SERPINE2: variants seen among roughly 807,000 people sequenced by gnomAD.
The protein encoded by SERPINE2 is glia-derived nexin.
A neutral mutation model predicts 36.3 loss-of-function variants in SERPINE2; 14 were observed. The observed-to-expected ratio is 0.39, with a 90% confidence interval of 0.25 to 0.60. The LOEUF (loss-of-function observed/expected upper bound fraction) is 0.60, where lower values mean the gene tolerates loss of function less well. SERPINE2 is among the 20% of genes least tolerant of loss of function. The pLI, the probability that SERPINE2 is intolerant of heterozygous loss-of-function variation, is 0.57. For synonymous variants in SERPINE2, 192 were observed against 191.8 expected, an observed-to-expected ratio of 1.00 and a Z score of -0.01; for missense variants, 418 against 499.6, an observed-to-expected ratio of 0.84 and a Z score of 1.56.
chr2:224,020,730 C>A (rs1415833486), intron 1 of SERPINE2, among the ~76,000 whole-genome samples: 1 of 152,154 alleles, frequency 6.6e-6, no homozygotes, highest in Non-Finnish European at 1.5e-5. Context: ...TACAGCCACA[C>A]CGAACATATT....
chr2:223,991,237 T>C (rs1690654155), intron 4 of SERPINE2, among the ~76,000 whole-genome samples: 1 of 152,212 alleles, frequency 6.6e-6, no homozygotes, highest in Admixed American at 6.5e-5. Context: ...TCTATTTATT[T>C]GTCATTGTGT....
intron 3 of SERPINE2, among the ~76,000 whole-genome samples, chr2:223,993,530 A>ATGTGTGTGTGTGTGTGTG (rs36049464): frequency 1.3e-4 from 19 of 149,902 alleles, no homozygotes; most frequent in Admixed American, 4.7e-4. Context: ...GCTCAAATAT[A>ATGTGTGTGTGTGTGTGTG]TGTGTGTGTG....
chr2:224,005,349 C>A (rs1691384778), intron 1 of SERPINE2, among the ~76,000 whole-genome samples: 6 of 151,834 alleles, frequency 4.0e-5, no homozygotes, highest in African/African-American at 4.8e-5. Context: ...TAAAAGTGCA[C>A]TGGGACAGTG....
intron 1 of SERPINE2, among the ~76,000 whole-genome samples, chr2:224,028,636 T>A (rs1692262852): frequency 1.3e-5 from 2 of 152,218 alleles, no homozygotes. Flanking sequence ...AATCTCATTT[T>A]TCTCACCTAT....
chr2:224,013,427 G>T (rs1417582810), intron 1 of SERPINE2, among the ~76,000 whole-genome samples: 1 of 152,144 alleles, frequency 6.6e-6, no homozygotes, highest in Non-Finnish European at 1.5e-5. Context: ...CTAATGCAGT[G>T]TTCACTTGCA....
At chr2:224,031,742 T>C (rs542592558) in intron 1 of SERPINE2, among the ~76,000 whole-genome samples, 1 of 150,368 alleles carries the variant, frequency 6.7e-6, no homozygotes, top group Non-Finnish European at 1.5e-5. Flanking sequence ...AATTCCTCCC[T>C]AGGATTTCCA....
intron 1 of SERPINE2, among the ~76,000 whole-genome samples, chr2:224,021,126 A>C (rs1428622379): frequency 6.6e-6 from 1 of 152,180 alleles, no homozygotes; most frequent in East Asian, 1.9e-4. Flanking sequence ...GTCAAACCTG[A>C]TGTGGTCTCA....
chr2:223,984,215 T>C (rs1276201617), intron 5 of SERPINE2, among the ~76,000 whole-genome samples: 3 of 152,222 alleles, frequency 2.0e-5, no homozygotes, highest in African/African-American at 7.2e-5. Context: ...TGAAGATTCA[T>C]ACAGGATTTG....
intron 6 of SERPINE2, chr2:223,982,340 G>C (rs1378178837): frequency 6.0e-6 from 1 of 166,308 alleles, no homozygotes; most frequent in Admixed American, 6.3e-5. Context: ...GGGTTGGTGA[G>C]GAGCTAAAAA....
At chr2:223,988,599 TG>T (rs749373685) in intron 4 of SERPINE2, among the ~76,000 whole-genome samples, 2 of 152,218 alleles carry the variant, frequency 1.3e-5, no homozygotes, top group South Asian at 2.1e-4. Context: ...TTATTCTTCA[TG>T]TTTTTTTTCC....
chr2:223,998,365 C>T (rs981792163), intron 2 of SERPINE2, 23 bp from the exon 3 acceptor site: 1 of 1,547,772 alleles, frequency 6.5e-7, no homozygotes, highest in Admixed American at 1.7e-5. Context: ...TCAGAAGATA[C>T]AGCAATACTT....
At chr2:224,021,832 T>C (rs1041035589) in intron 1 of SERPINE2, among the ~76,000 whole-genome samples, 1 of 152,232 alleles carries the variant, frequency 6.6e-6, no homozygotes, top group Non-Finnish European at 1.5e-5. Context: ...GAGACCAGCC[T>C]GGCCAACATG....
At chr2:224,022,661 T>C (rs919244897) in intron 1 of SERPINE2, among the ~76,000 whole-genome samples, 1 of 152,204 alleles carries the variant, frequency 6.6e-6, no homozygotes, top group African/African-American at 2.4e-5. Flanking sequence ...GACTAGAAAA[T>C]TCCCTACAAG....
rs768022215 is a variant in SERPINE2 at position 223,984,943 on chromosome 2, T to C, written c.693A>G (p.Thr231=). 1 of 1,614,190 alleles carries C rather than the reference T, an allele frequency of 6.2e-7. No homozygotes were observed. Among genetic ancestry groups the C allele is most frequent in the Non-Finnish European group, 8.5e-7 (1 of 1,180,012 alleles). The change falls in exon 5 of 9, where the codon ACA becomes ACG. Residue 231 remains threonine, a synonymous_variant. Coordinates refer to ENST00000409304, the MANE Select transcript of SERPINE2 (RefSeq NM_001136528.2). ...AQLSVFRCGS[T]SAPNDLWYNF... Reference sequence around the variant, plus strand: ...TGTACCATAAATCATTGGGGGCACTTGTCGACCCTAAAGAAATCAGAAGCA... The same window carrying C: ...TGTACCATAAATCATTGGGGGCACTCGTCGACCCTAAAGAAATCAGAAGCA...
At chr2:223,975,939 T>C in intron 8 of SERPINE2, 35 bp from the exon 9 acceptor site, 1 of 1,556,086 alleles carries the variant, frequency 6.4e-7, no homozygotes, top group South Asian at 1.2e-5. Flanking sequence ...CATGACTCTG[T>C]AAATTAATAA....
At chr2:224,012,857 T>C (rs1691678525) in intron 1 of SERPINE2, among the ~76,000 whole-genome samples, 2 of 152,150 alleles carry the variant, frequency 1.3e-5, no homozygotes, top group South Asian at 2.1e-4. Context: ...AGCACAACAG[T>C]GGCTAAACCA....
At chr2:224,036,201 A>C (rs1199428252) in intron 1 of SERPINE2, among the ~76,000 whole-genome samples, 1 of 152,114 alleles carries the variant, frequency 6.6e-6, no homozygotes, top group Non-Finnish European at 1.5e-5. Context: ...TATTGGTGAG[A>C]GTCGAAGCTG....
At chr2:223,976,367 G>T (rs562582332) in intron 8 of SERPINE2, among the ~76,000 whole-genome samples, 2 of 152,146 alleles carry the variant, frequency 1.3e-5, no homozygotes, top group Non-Finnish European at 2.9e-5. Flanking sequence ...GGCCAGGCTG[G>T]TCTCGAACTC....
chr2:224,019,770 A>ATTTTTTTTTTTTTTTTTTTTTT (rs1261601893), intron 1 of SERPINE2, among the ~76,000 whole-genome samples: 1 of 129,286 alleles, frequency 7.7e-6, no homozygotes, highest in Non-Finnish European at 1.6e-5. Flanking sequence ...TTTTTTAAAA[A>ATTTTTTTTTTTTTTTTTTTTTT]AAAAAAAAGA....
Sources: gnomAD v4.1 joint callset for allele counts (sites outside exome capture counted in the v4.1 genomes callset) on GRCh38, gnomAD v4.1.1 for gene constraint, MANE v1.5 for transcripts, NCBI Gene and HGNC (gene_info 2026-07-23, HGNC 2026-07-21) for gene names.